Variants in BACH2 observed in about 807,000 individuals in gnomAD.
The protein encoded by BACH2 is BACH transcriptional regulator 2, also known as transcription regulator protein BACH2.
Under a neutral mutation model 61.8 loss-of-function variants are expected in BACH2, and 5 were observed. The observed-to-expected ratio is 0.08, with a 90% CI of 0.04 to 0.17. The LOEUF (loss-of-function observed/expected upper bound fraction) is 0.17, where lower values mean the gene tolerates loss of function less well. BACH2 is among the 10% of genes least tolerant of loss of function. The probability of loss-of-function intolerance (pLI) is 1.00; values close to 1 mark genes in which losing one functional copy is unlikely to be tolerated. For missense variants in BACH2, 824 were observed against 1,091.1 expected (o/e 0.76, Z 3.45); for synonymous variants, 446 against 440.1 (o/e 1.01, Z -0.17).
intron 1 of BACH2, among the ~76,000 whole-genome samples, chr6:90,288,924 T>C (rs1462629751): frequency 6.6e-6 from 1 of 152,046 alleles, no homozygotes; most frequent in Admixed American, 6.5e-5. Flanking sequence ...GGAGTGTGAG[T>C]TACAAGTAAA....
chr6:90,271,452 T>C (rs1053415508), intron 2 of BACH2, among the ~76,000 whole-genome samples: 2 of 151,744 alleles, frequency 1.3e-5, no homozygotes, highest in African/African-American at 4.8e-5. Context: ...GTTCAGAGCT[T>C]GGAGATTCAT....
At chr6:89,952,091 T>C (rs1774164407) in intron 6 of BACH2, 1 of 573,362 alleles carries the variant, frequency 1.7e-6, no homozygotes, top group African/African-American at 1.9e-5. Flanking sequence ...GAATTGAAAA[T>C]CACCAGGGTC....
At chr6:90,127,576 G>A (rs1783909061) in intron 4 of BACH2, among the ~76,000 whole-genome samples, 1 of 152,170 alleles carries the variant, frequency 6.6e-6, no homozygotes. Context: ...GCTTTGGGAG[G>A]CTGGGAAGAT....
chr6:90,296,655 A>G lies in BACH2; in HGVS notation c.-621T>C, dbSNP rs1582579600. ...CCCCCCGAGTGCGCCGGGAAGGGGG[A>G]GGGGAAGGGGCGAGGGGAGGCCGGG... On this transcript the variant is annotated 5_prime_UTR_variant, in exon 1 of 9. Coordinates refer to ENST00000257749, the MANE Select transcript of BACH2 (RefSeq NM_021813.4). 6.7e-6 allele frequency: 1 copy of G among 150,014 alleles called. No homozygotes were observed. The highest frequency in any genetic ancestry group is 1.5e-5 in the Non-Finnish European group (1 of 67,260). 9.3% of individuals were successfully genotyped at this position (150,014 alleles called of 1,614,324 possible).
At chr6:90,246,402 A>T (rs918858853) in intron 3 of BACH2, among the ~76,000 whole-genome samples, 3 of 152,134 alleles carry the variant, frequency 2.0e-5, no homozygotes, top group Non-Finnish European at 2.9e-5. Context: ...TAATCAGAAA[A>T]CCTCAGGCTC....
intron 3 of BACH2, among the ~76,000 whole-genome samples, chr6:90,251,522 C>A (rs1770810809): frequency 1.0e-5 from 1 of 96,236 alleles, no homozygotes; most frequent in Non-Finnish European, 3.1e-5. Context: ...ACATACCCAG[C>A]ACCTGCTTGA....
At chr6:89,957,339 T>C (rs1293890098) in intron 6 of BACH2, among the ~76,000 whole-genome samples, 1 of 152,242 alleles carries the variant, frequency 6.6e-6, no homozygotes, top group Non-Finnish European at 1.5e-5. Flanking sequence ...AAAGTATTTG[T>C]CAAATTAATT....
intron 6 of BACH2, among the ~76,000 whole-genome samples, chr6:90,002,714 G>A (rs980639622): frequency 1.3e-5 from 2 of 152,168 alleles, no homozygotes; most frequent in East Asian, 1.9e-4. Context: ...AGGTGGCAGC[G>A]AGCTGAGATT....
In BACH2 at chr6:90,201,768, A is replaced by G. The variant is rs753533816; in HGVS notation, c.-162+4801T>C. 6.6e-5 allele frequency among the ~76,000 whole-genome samples: 10 copies of G among 152,180 alleles called. 1 individual carries two copies. Among genetic ancestry groups the G allele is most frequent in the Non-Finnish European group, 1.3e-4 (9 of 68,016 alleles). Reference sequence around the variant, plus strand: ...TTAATTTTTAGTTGTATTTTCTTCCATGTCACAAGTTTAGACCTTGCAATA... The same window carrying G: ...TTAATTTTTAGTTGTATTTTCTTCCGTGTCACAAGTTTAGACCTTGCAATA... On this transcript the variant is annotated intron_variant, in intron 4 of 8. Transcript: ENST00000257749.
At chr6:90,014,465 TA>T (rs1327013819) in intron 5 of BACH2, among the ~76,000 whole-genome samples, 40 of 70,902 alleles carry the variant, frequency 5.6e-4, no homozygotes, top group African/African-American at 3.8e-4. Flanking sequence ...TATATATATA[TA>T]TATTTTTTTT....
intron 6 of BACH2, among the ~76,000 whole-genome samples, chr6:89,970,330 CTGACTCTTGGCGG>C (rs1282624045): frequency 6.6e-6 from 1 of 150,476 alleles, no homozygotes; most frequent in African/African-American, 2.4e-5. Context: ...TTTCCACCTC[CTGACTCTTGGCGG>C]GCAGAGCATA....
chr6:90,161,343 C>T (rs1262898694), intron 4 of BACH2, among the ~76,000 whole-genome samples: 1 of 151,968 alleles, frequency 6.6e-6, no homozygotes, highest in African/African-American at 2.4e-5. Flanking sequence ...ATATTAATGA[C>T]CATAATAATG....
At chr6:90,260,893 T>C (rs1224148949) in intron 2 of BACH2, among the ~76,000 whole-genome samples, 3 of 152,140 alleles carry the variant, frequency 2.0e-5, no homozygotes, top group African/African-American at 7.2e-5. Context: ...CTCAGGCCAA[T>C]AGGAGTTCTT....
chr6:90,057,479 C>T (rs577622037), intron 5 of BACH2, among the ~76,000 whole-genome samples: 14 of 152,218 alleles, frequency 9.2e-5, no homozygotes, highest in South Asian at 4.1e-4. Context: ...AGGCAATAAT[C>T]AATAGCTTAC....
At chr6:89,962,977 T>C (rs894117900) in intron 6 of BACH2, among the ~76,000 whole-genome samples, 3 of 152,048 alleles carry the variant, frequency 2.0e-5, no homozygotes, top group Non-Finnish European at 4.4e-5. Flanking sequence ...TAGTAAAGGG[T>C]TGATATATAA....
chr6:90,160,404 A>G (rs1174882164), intron 4 of BACH2, among the ~76,000 whole-genome samples: 3 of 152,258 alleles, frequency 2.0e-5, no homozygotes, highest in East Asian at 3.8e-4. Context: ...TGCAGCCATC[A>G]TAACATTTAT....
chr6:89,972,340 G>A (rs921292016), intron 6 of BACH2, among the ~76,000 whole-genome samples: 3 of 152,172 alleles, frequency 2.0e-5, no homozygotes, highest in African/African-American at 4.8e-5. Context: ...TACAGGCAGT[G>A]GTGTTGGGAA....
At chr6:90,101,908 T>C (rs1782643707) in intron 4 of BACH2, among the ~76,000 whole-genome samples, 1 of 152,224 alleles carries the variant, frequency 6.6e-6, no homozygotes, top group Non-Finnish European at 1.5e-5. Context: ...TTAATTATTT[T>C]TGATGCTATG....
At chr6:90,108,942 T>TA (rs1390248236) in intron 4 of BACH2, among the ~76,000 whole-genome samples, 1 of 152,142 alleles carries the variant, frequency 6.6e-6, no homozygotes, top group African/African-American at 2.4e-5. Context: ...CTCTCTCACT[T>TA]AGAGAATCTG....
Sources: gnomAD v4.1 joint callset for allele counts (sites outside exome capture counted in the v4.1 genomes callset) on GRCh38, gnomAD v4.1.1 for gene constraint, MANE v1.5 for transcripts, NCBI Gene and HGNC (gene_info 2026-07-23, HGNC 2026-07-21) for gene names.